The following LRP1B variants were observed in gnomAD, a reference collection of about 807,000 sequenced individuals.
LRP1B encodes low-density lipoprotein receptor-related protein 1B.
LRP1B carries 217 observed loss-of-function variants against 556.6 expected under a neutral mutation model. The ratio of observed to expected loss-of-function variants is 0.39; its 90% confidence interval spans 0.35 to 0.44. The LOEUF (loss-of-function observed/expected upper bound fraction) is 0.44. LRP1B is among the 20% of genes least tolerant of loss of function. The pLI is 1.00. For missense variants in LRP1B, 5,053 were observed against 5,620.8 expected (o/e 0.90, Z 3.23); for synonymous variants, 2,047 against 1,865.8 (o/e 1.10, Z -2.50).
chr2:141,817,818 G>A lies in LRP1B; in HGVS notation c.83-7417C>T, dbSNP rs868417313. 2.6e-4 allele frequency among the ~76,000 whole-genome samples: 40 copies of A among 152,162 alleles called. 1 individual carries two copies. The Middle Eastern group carries it at 0.01, about 39-fold the overall frequency. On this transcript the variant is annotated intron_variant, in intron 1 of 90. Coordinates refer to ENST00000389484, the MANE Select transcript of LRP1B (RefSeq NM_018557.3). ...TACCTTAATAAATTGCCTATTGAAT[G>A]TATAAAAGGACACTATAGAAAAACT...
intron 80 of LRP1B, among the ~76,000 whole-genome samples, chr2:140,324,693 T>G (rs1558802191): frequency 6.6e-6 from 1 of 151,858 alleles, no homozygotes; most frequent in Non-Finnish European, 1.5e-5. Flanking sequence ...TTATTCTAAC[T>G]TTTGAAACTG....
intron 6 of LRP1B, among the ~76,000 whole-genome samples, chr2:141,214,518 A>G (rs1458895578): frequency 6.6e-6 from 1 of 152,194 alleles, no homozygotes; most frequent in African/African-American, 2.4e-5. Context: ...CTTCACTGGA[A>G]AATGTCTACT....
chr2:140,813,824 A>T lies in LRP1B; in HGVS notation c.5210-18T>A. On this transcript the variant is annotated intron_variant, in intron 31 of 90. Coordinates refer to ENST00000389484, the MANE Select transcript of LRP1B (RefSeq NM_018557.3). ...CGATAGACCTGTAATTAAATTTTAC[A>T]ACTTAAACATAATGATAGCCACTTA... The T allele has an allele frequency of 6.4e-7, 1 of 1,572,030 alleles. No individual in the cohort carries two copies. The highest frequency in any genetic ancestry group is 8.7e-7 in the Non-Finnish European group (1 of 1,148,918).
intron 2 of LRP1B, among the ~76,000 whole-genome samples, chr2:141,751,991 C>A (rs533862832): frequency 1.3e-5 from 2 of 150,924 alleles, no homozygotes; most frequent in African/African-American, 2.4e-5. Context: ...ATCTTTGTAA[C>A]GGATTAAAAC....
Position 141,145,516 on chromosome 2 carries a change from G to A in LRP1B, c.1013+42905C>T, listed in dbSNP as rs528122733. 1.9e-4 allele frequency among the ~76,000 whole-genome samples: 29 copies of A among 149,434 alleles called. 1 individual carries two copies. Among genetic ancestry groups the A allele is most frequent in the South Asian group, 1.5e-3 (7 of 4,680 alleles). On this transcript the variant is annotated intron_variant, in intron 7 of 90. Coordinates refer to ENST00000389484, the MANE Select transcript of LRP1B (RefSeq NM_018557.3). ...CTGTCATAAAATACTGTTTTTCTAA[G>A]TTTTATTTTTTAATTAAACTTTTTT...
intron 83 of LRP1B, among the ~76,000 whole-genome samples, chr2:140,306,288 T>G (rs980941694): frequency 1.3e-5 from 2 of 152,008 alleles, no homozygotes; most frequent in African/African-American, 2.4e-5. Context: ...GGTCCTGTAC[T>G]TTTTTTGGTT....
chr2:141,320,689 T>C (rs1687207951), intron 3 of LRP1B, among the ~76,000 whole-genome samples: 1 of 152,128 alleles, frequency 6.6e-6, no homozygotes, highest in Non-Finnish European at 1.5e-5. Context: ...ATGGGTTACT[T>C]AGTACTTTCA....
intron 1 of LRP1B, among the ~76,000 whole-genome samples, chr2:142,030,215 A>G (rs1263918758): frequency 1.3e-5 from 2 of 151,940 alleles, no homozygotes; most frequent in Non-Finnish European, 2.9e-5. Flanking sequence ...TTCACATAAA[A>G]CCAGTTGCAA....
intron 3 of LRP1B, among the ~76,000 whole-genome samples, chr2:141,257,336 G>A (rs775533915): frequency 6.6e-6 from 1 of 152,144 alleles, no homozygotes. Context: ...CTACCTTAAT[G>A]CAGGTGTATT....
At chr2:141,181,706 T>C (rs34522296) in intron 7 of LRP1B, among the ~76,000 whole-genome samples, 49,445 of 151,764 alleles carry the variant, frequency 0.33, 9,759 homozygotes, top group Non-Finnish European at 0.46. Context: ...TATAAACCAC[T>C]CCAAGTTTCC....
intron 1 of LRP1B, among the ~76,000 whole-genome samples, chr2:142,023,903 CT>C (rs1703422195): frequency 1.3e-5 from 2 of 152,204 alleles, no homozygotes; most frequent in African/African-American, 4.8e-5. Context: ...TCTAGTTTTG[CT>C]TTTAATTTAT....
At chr2:141,069,630 C>T (rs72983103) in intron 7 of LRP1B, among the ~76,000 whole-genome samples, 71 of 152,190 alleles carry the variant, frequency 4.7e-4, no homozygotes, top group African/African-American at 1.6e-3. Flanking sequence ...ATTTCTGTCA[C>T]CCGTGGCTAC....
intron 6 of LRP1B, among the ~76,000 whole-genome samples, chr2:141,194,179 C>T (rs182055434): frequency 6.6e-6 from 1 of 152,234 alleles, no homozygotes; most frequent in Non-Finnish European, 1.5e-5. Context: ...TGCCATCCTG[C>T]TGGTTCTCTT....
At chr2:142,025,063 T>C (rs1212627050) in intron 1 of LRP1B, among the ~76,000 whole-genome samples, 1 of 152,148 alleles carries the variant, frequency 6.6e-6, no homozygotes, top group Non-Finnish European at 1.5e-5. Context: ...TTGATATGCA[T>C]ATAATCATAC....
intron 11 of LRP1B, among the ~76,000 whole-genome samples, chr2:141,024,980 G>A (rs755905978): frequency 6.6e-6 from 1 of 151,994 alleles, no homozygotes; most frequent in Non-Finnish European, 1.5e-5. Flanking sequence ...TGCTATACAA[G>A]CATCTTTGAA....
chr2:140,398,439 C>T (rs1684347220), intron 66 of LRP1B, among the ~76,000 whole-genome samples: 1 of 152,178 alleles, frequency 6.6e-6, no homozygotes, highest in African/African-American at 2.4e-5. Flanking sequence ...CACAAACACA[C>T]ACAAACACAT....
At chr2:140,317,158 A>C (rs766751802) in intron 82 of LRP1B, among the ~76,000 whole-genome samples, 1 of 152,086 alleles carries the variant, frequency 6.6e-6, no homozygotes, top group African/African-American at 2.4e-5. Flanking sequence ...TAGGTAAGTG[A>C]TTTTGAAGAA....
intron 23 of LRP1B, among the ~76,000 whole-genome samples, chr2:140,892,231 A>G (rs532910325): frequency 6.6e-6 from 1 of 152,200 alleles, no homozygotes; most frequent in African/African-American, 2.4e-5. Context: ...TGAATCAAAC[A>G]AAGGAGTAAG....
intron 43 of LRP1B, among the ~76,000 whole-genome samples, chr2:140,545,007 A>G (rs905629121): frequency 3.3e-5 from 5 of 152,012 alleles, no homozygotes; most frequent in African/African-American, 7.3e-5. Flanking sequence ...GTGAGATGGT[A>G]TCTCATCGTG....
Sources: gnomAD v4.1 joint callset for allele counts (sites outside exome capture counted in the v4.1 genomes callset) on GRCh38, gnomAD v4.1.1 for gene constraint, MANE v1.5 for transcripts, NCBI Gene and HGNC (gene_info 2026-07-23, HGNC 2026-07-21) for gene names.